SPIRE2: variants seen among roughly 807,000 people sequenced by gnomAD.
SPIRE2 encodes protein spire homolog 2.
SPIRE2 carries 76 observed loss-of-function variants against 80.7 expected under a neutral mutation model. The observed-to-expected ratio is 0.94, with a 90% CI of 0.78 to 1.14. The LOEUF (loss-of-function observed/expected upper bound fraction) is 1.14, where lower values mean the gene tolerates loss of function less well. Among genes scored for constraint, SPIRE2 ranks in the 50% most tolerant of loss-of-function variants. The pLI, the probability that SPIRE2 is intolerant of heterozygous loss-of-function variation, is 0.00. For missense variants in SPIRE2, 1,196 were observed against 1,015.3 expected, an observed-to-expected ratio of 1.18 and a Z score of -2.42; for synonymous variants, 535 against 432.6, an observed-to-expected ratio of 1.24 and a Z score of -2.94.
Position 89,863,322 on chromosome 16 carries a change from G to C in SPIRE2, c.1576-154G>C. ...AGGGCCCATCAAAGACATGGGGATG[G>C]ATGGCTGATGGACAAGATGGCTGAT... is the stretch of plus-strand genomic sequence containing the variant. On this transcript the variant is annotated intron_variant, in intron 10 of 14. Transcript: ENST00000378247. The surrounding 1 kb of genome is among the most constrained non-coding windows in gnomAD (Gnocchi z 4.3). 1.3e-6 allele frequency: 1 copy of C among 793,842 alleles called. No individual in the cohort carries two copies. The highest frequency in any genetic ancestry group is 2.0e-6 in the Non-Finnish European group (1 of 510,662). 49.2% of individuals were successfully genotyped at this position (793,842 alleles called of 1,614,324 possible). A position where few individuals can be genotyped will look rare whatever the true frequency, so the allele number is the denominator to read the frequency against.
Position 89,858,521 on chromosome 16 carries a change from G to A in SPIRE2, c.1272+14G>A. 2 of 1,549,426 alleles carry A rather than the reference G, an allele frequency of 1.3e-6. No individual in the cohort carries two copies. The highest frequency in any genetic ancestry group is 1.7e-6 in the Non-Finnish European group (2 of 1,148,420). On this transcript the variant is annotated intron_variant, in intron 8 of 14. Transcript: ENST00000378247. ...AATACATCTGAGGTCAGAACCCATG[G>A]GGATTCCTGAAAAGAGACCAGGAAT...
rs1054655017 is a variant in SPIRE2 at position 89,853,873 on chromosome 16, C to T, written c.646-413C>T. On this transcript the variant is annotated intron_variant, in intron 3 of 14. Transcript: ENST00000378247. ...TGCCAGGCAGCAGCTCATCCACCCT[C>T]CCATCCACCTGTCCACCACGTATCC... Among the ~76,000 whole-genome samples the T allele has an allele frequency of 3.3e-5, 5 of 152,372 alleles. No homozygotes were observed. The East Asian group carries it at 7.7e-4, about 23-fold the overall frequency.
chr16:89,857,552 T>C (rs188238937), intron 7 of SPIRE2, among the ~76,000 whole-genome samples: 1 of 152,138 alleles, frequency 6.6e-6, no homozygotes, highest in East Asian at 1.9e-4. Flanking sequence ...AGCAAATTTT[T>C]AAAATGTTTT....
intron 9 of SPIRE2, among the ~76,000 whole-genome samples, chr16:89,859,936 G>A (rs1274361904): frequency 6.6e-6 from 1 of 152,208 alleles, no homozygotes; most frequent in Non-Finnish European, 1.5e-5. Flanking sequence ...AGAGTCTCGG[G>A]ACAATCGTGT....
Position 89,866,837 on chromosome 16 carries a change from C to G in SPIRE2, c.1779-1352C>G, listed in dbSNP as rs1469627196. 2.0e-5 allele frequency among the ~76,000 whole-genome samples: 3 copies of G among 151,650 alleles called. No homozygotes were observed. In the South Asian group the frequency reaches 6.2e-4, roughly 32 times the overall value. On this transcript the variant is annotated intron_variant, in intron 12 of 14. Transcript: ENST00000378247. ...TGTTAGCCAGGATGGTCTCGATCTC[C>G]TGACCTCGTGATCTGCCCATCTCGG...
At chr16:89,869,787 C>G (rs1221121903) in intron 14 of SPIRE2, 105 bp downstream of exon 14, 5 of 884,326 alleles carry the variant, frequency 5.7e-6, no homozygotes, top group Non-Finnish European at 7.3e-6. Context: ...GCTAGGACAC[C>G]CCAAGGAAAT....
At chr16:89,843,586 C>T (rs1353833025) in intron 1 of SPIRE2, among the ~76,000 whole-genome samples, 1 of 147,198 alleles carries the variant, frequency 6.8e-6, no homozygotes, top group African/African-American at 2.5e-5. Flanking sequence ...CAGTCCCAGG[C>T]AGGTGGTGTG....
intron 2 of SPIRE2, 66 bp from the exon 3 acceptor site, chr16:89,850,238 C>G: frequency 6.3e-6 from 9 of 1,419,100 alleles, no homozygotes; most frequent in Non-Finnish European, 8.7e-6. Context: ...TCTGCACCCA[C>G]CAGCCGCGTT....
chr16:89,865,004 CTTTTTTTTT>C (rs398042284), intron 12 of SPIRE2, among the ~76,000 whole-genome samples: 4 of 125,364 alleles, frequency 3.2e-5, no homozygotes, highest in Non-Finnish European at 5.1e-5. Flanking sequence ...ACTTTTTTTC[CTTTTTTTTT>C]TTTTTTTTTT....
chr16:89,855,282 G>C (rs1297690953), intron 5 of SPIRE2, among the ~76,000 whole-genome samples: 1 of 152,136 alleles, frequency 6.6e-6, no homozygotes, highest in African/African-American at 2.4e-5. Context: ...GGAGCCCTTA[G>C]GAGGCGCCGG....
At chr16:89,854,721 G>A in intron 5 of SPIRE2, 70 bp downstream of exon 5, 1 of 1,554,542 alleles carries the variant, frequency 6.4e-7, no homozygotes, top group Non-Finnish European at 8.7e-7. Context: ...ACGCAGATGA[G>A]CAGCCTGGAT....
chr16:89,864,002 G>A, intron 12 of SPIRE2, 141 bp downstream of exon 12: 4 of 609,274 alleles, frequency 6.6e-6, no homozygotes, highest in South Asian at 4.2e-5. Flanking sequence ...GATATGGTTA[G>A]TACGAATGAG....
intron 6 of SPIRE2, 28 bp from the exon 7 acceptor site, chr16:89,856,085 C>A: frequency 6.2e-7 from 1 of 1,600,400 alleles, no homozygotes; most frequent in Non-Finnish European, 8.5e-7. Context: ...CCTGCTTCCC[C>A]ACCGCAGGTC....
At position 89,845,339 on chromosome 16, in the gene SPIRE2, G is replaced by A. The variant is rs148489395; in HGVS notation, c.262G>A (p.Val88Met). ...PEAAEPATMV[V>M]PLASSEAQTV... ...TCTTACAGAACCTGCAACCATGGTC[G>A]TGCCACTAGCCAGCTCGGAAGCCCA... is the stretch of plus-strand genomic sequence containing the variant. The change falls in exon 2 of 15, where the codon GTG becomes ATG. Residue 88 changes from valine to methionine, a missense_variant. Physicochemically the swap from Val to Met is conservative, Grantham distance 21. Coordinates refer to ENST00000378247, the MANE Select transcript of SPIRE2 (RefSeq NM_032451.2). 161 of 1,614,164 alleles carry A rather than the reference G, an allele frequency of 1.0e-4. No individual in the cohort carries two copies. In the African/African-American group the frequency reaches 1.6e-3, roughly 16 times the overall value.
chr16:89,859,644 A>G (rs2041724699), intron 9 of SPIRE2, among the ~76,000 whole-genome samples: 1 of 152,198 alleles, frequency 6.6e-6, no homozygotes, highest in South Asian at 2.1e-4. Flanking sequence ...AAAGATAGCT[A>G]ACTAGATGAG....
Position 89,831,403 on chromosome 16 carries a change from T to C in SPIRE2, c.244+2609T>C, listed in dbSNP as rs1177735052. Among the ~76,000 whole-genome samples the C allele has an allele frequency of 3.0e-4, 44 of 148,628 alleles. 2 individuals are homozygous for C. The highest frequency in any genetic ancestry group is 3.4e-3 in the Middle Eastern group (1 of 294). On this transcript the variant is annotated intron_variant, in intron 1 of 14. Transcript: ENST00000378247. ...CTAAACTTTTTTTCTTTCTTTCTTT[T>C]TTTTTTTTTTTTATGAGACAGTCTC...
intron 13 of SPIRE2, among the ~76,000 whole-genome samples, chr16:89,868,437 C>A (rs181536591): frequency 0.017 from 2,517 of 152,322 alleles, 27 homozygotes; most frequent in Non-Finnish European, 0.026. Flanking sequence ...TGCCAAAAAA[C>A]CCTTCACTTC....
intron 2 of SPIRE2, chr16:89,849,855 TGAGACAG>T: frequency 3.8e-6 from 1 of 264,018 alleles, no homozygotes; most frequent in Non-Finnish European, 7.4e-6. Flanking sequence ...TTTTTTTTTT[TGAGACAG>T]AGTCTTGCTT....
intron 9 of SPIRE2, among the ~76,000 whole-genome samples, chr16:89,860,266 T>C (rs1278848734): frequency 2.6e-5 from 4 of 152,170 alleles, no homozygotes; most frequent in Admixed American, 2.0e-4. Context: ...CTTCGCTTTT[T>C]TCTTCTTTTT....
Sources: gnomAD v4.1 joint callset for allele counts (sites outside exome capture counted in the v4.1 genomes callset) on GRCh38, gnomAD v4.1.1 for gene constraint, Gnocchi (gnomAD v3.1) non-coding constraint, MANE v1.5 for transcripts, NCBI Gene and HGNC (gene_info 2026-07-23, HGNC 2026-07-21) for gene names.